The following COL24A1 variants were observed in gnomAD, a reference collection of about 807,000 sequenced individuals.
COL24A1 encodes the protein collagen alpha-1(XXIV) chain.
In COL24A1, 224 loss-of-function variants were observed where a neutral mutation model predicts 253.9. The ratio of observed to expected loss-of-function variants is 0.88; its 90% confidence interval spans 0.79 to 0.99. The LOEUF (loss-of-function observed/expected upper bound fraction) is 0.99, where lower values mean the gene tolerates loss of function less well. Among genes scored for constraint, COL24A1 ranks in the 50% least tolerant of loss-of-function variants. The pLI is 0.00. For synonymous variants in COL24A1, 685 were observed against 673.7 expected, an observed-to-expected ratio of 1.02 and a Z score of -0.26; for missense variants, 2,131 against 2,068.5, an observed-to-expected ratio of 1.03 and a Z score of -0.59.
chr1:85,989,550 C>T (rs652321), intron 19 of COL24A1, among the ~76,000 whole-genome samples: 142,735 of 152,190 alleles, frequency 0.94, 67,006 homozygotes, highest in East Asian at 1. Flanking sequence ...ATTTTCACTC[C>T]GTAGCCAGAC....
At chr1:86,066,469 C>T (rs537319145) in intron 7 of COL24A1, among the ~76,000 whole-genome samples, 1 of 151,942 alleles carries the variant, frequency 6.6e-6, no homozygotes, top group African/African-American at 2.4e-5. Context: ...CGGTCTCGAT[C>T]TCCTGACCTC....
chr1:85,949,248 A>T (rs2100561825), intron 24 of COL24A1, among the ~76,000 whole-genome samples: 1 of 152,350 alleles, frequency 6.6e-6, no homozygotes, highest in African/African-American at 2.4e-5. Flanking sequence ...GAATATAAAT[A>T]GGAAGGGAAA....
chr1:85,885,672 T>A (rs1296030535), intron 32 of COL24A1, among the ~76,000 whole-genome samples: 1 of 152,106 alleles, frequency 6.6e-6, no homozygotes, highest in Non-Finnish European at 1.5e-5. Flanking sequence ...AGGAAGGTAA[T>A]GGTTTTTAAA....
At chr1:86,148,245 A>G (rs1179780113) in intron 1 of COL24A1, among the ~76,000 whole-genome samples, 1 of 151,962 alleles carries the variant, frequency 6.6e-6, no homozygotes, top group East Asian at 1.9e-4. Context: ...AGTGCAGTGG[A>G]GCGATCTCAG....
chr1:85,886,825 T>C (rs950104963), intron 32 of COL24A1, among the ~76,000 whole-genome samples: 2 of 152,196 alleles, frequency 1.3e-5, no homozygotes, highest in African/African-American at 4.8e-5. Flanking sequence ...TATACATGGT[T>C]AAATTTTACT....
At chr1:85,861,155 T>A (rs1679105214) in intron 37 of COL24A1, among the ~76,000 whole-genome samples, 1 of 152,196 alleles carries the variant, frequency 6.6e-6, no homozygotes, top group African/African-American at 2.4e-5. Flanking sequence ...ATATCCTCAT[T>A]AACACTAACC....
intron 55 of COL24A1, among the ~76,000 whole-genome samples, chr1:85,757,032 G>A (rs987528981): frequency 1.3e-5 from 2 of 152,172 alleles, no homozygotes; most frequent in South Asian, 2.1e-4. Flanking sequence ...AAAGTAGAAC[G>A]GTGGTTGCAG....
Position 85,875,771 on chromosome 1 carries a change from C to T in COL24A1, c.3031-441G>A, listed in dbSNP as rs1167130347. ...CACACACACACACACACACACAGAG[C>T]TTCTTTTCCAGCCTTCTTTCATGGT... On this transcript the variant is annotated intron_variant, in intron 33 of 59. Coordinates refer to ENST00000370571, the MANE Select transcript of COL24A1 (RefSeq NM_152890.7). 5.3e-5 allele frequency among the ~76,000 whole-genome samples: 7 copies of T among 132,610 alleles called. No homozygotes were observed. The East Asian group carries it at 1.5e-3, about 28-fold the overall frequency. The allele number at this position is 132,610 out of a possible 152,430, so 87.0% of individuals were successfully genotyped here. A position where few individuals can be genotyped will look rare whatever the true frequency, so the allele number is the denominator to read the frequency against.
rs148563804 is a variant in COL24A1 at position 85,772,523 on chromosome 1, C to T, written c.4374+3151G>A. 3.0e-3 allele frequency among the ~76,000 whole-genome samples: 448 copies of T among 151,784 alleles called. 1 individual carries two copies. The highest frequency in any genetic ancestry group is 4.5e-3 in the Non-Finnish European group (305 of 67,974). ...ACATGCACACGTATGTTTATTGCGG[C>T]GTTATTCACAATAGCCTGACTTTTT... On this transcript the variant is annotated intron_variant, in intron 53 of 59. Coordinates refer to ENST00000370571, the MANE Select transcript of COL24A1 (RefSeq NM_152890.7).
chr1:85,762,118 A>C (rs1666904975), intron 53 of COL24A1, among the ~76,000 whole-genome samples: 1 of 152,214 alleles, frequency 6.6e-6, no homozygotes, highest in South Asian at 2.1e-4. Flanking sequence ...AGTTATGTTG[A>C]CATTTTTCAA....
chr1:85,868,703 C>T (rs1459559222), intron 36 of COL24A1, 77 bp from the exon 37 acceptor site: 57 of 1,459,060 alleles, frequency 3.9e-5, no homozygotes, highest in South Asian at 4.9e-5. Flanking sequence ...GTTTTTGTCA[C>T]ACAAAAACAA....
chr1:85,793,055 A>G (rs1670456694), intron 47 of COL24A1, among the ~76,000 whole-genome samples: 1 of 152,200 alleles, frequency 6.6e-6, no homozygotes, highest in Non-Finnish European at 1.5e-5. Context: ...TTTTGAATTT[A>G]GTACCAAAGC....
intron 24 of COL24A1, among the ~76,000 whole-genome samples, chr1:85,956,421 C>T (rs965133498): frequency 5.9e-5 from 9 of 152,160 alleles, no homozygotes; most frequent in African/African-American, 2.2e-4. Context: ...TTCTCTTCTT[C>T]CTCTCTGCTC....
intron 7 of COL24A1, among the ~76,000 whole-genome samples, chr1:86,074,171 T>C (rs978829926): frequency 6.6e-6 from 1 of 152,064 alleles, no homozygotes; most frequent in African/African-American, 2.4e-5. Context: ...GACTGGCAAA[T>C]TGGATAAAGA....
At chr1:86,132,176 T>C (rs1448237298) in intron 2 of COL24A1, among the ~76,000 whole-genome samples, 1 of 152,244 alleles carries the variant, frequency 6.6e-6, no homozygotes, top group Admixed American at 6.5e-5. Context: ...TTGAGAAGTG[T>C]CTGCTCATAT....
rs1233048072 is a variant in COL24A1, at chr1:85,764,417, CG to C, written c.4375-2852del. Among the ~76,000 whole-genome samples, 7 of 150,386 alleles carry C rather than the reference CG, an allele frequency of 4.7e-5. No homozygotes were observed. The Admixed American group carries it at 4.7e-4, about 10-fold the overall frequency. ...AACATAAACTCTTCAAGTTGTCATG[CG>C]GGTGACAGCTGGGCTACTCTTGATC... On this transcript the variant is annotated intron_variant, in intron 53 of 59. Transcript: ENST00000370571.
At chr1:85,773,833 T>C (rs1203481586) in intron 53 of COL24A1, among the ~76,000 whole-genome samples, 1 of 152,214 alleles carries the variant, frequency 6.6e-6, no homozygotes, top group Non-Finnish European at 1.5e-5. Flanking sequence ...CAATTTGACT[T>C]CCTCTCTTCC....
intron 19 of COL24A1, among the ~76,000 whole-genome samples, chr1:85,999,058 C>G (rs1358668290): frequency 2.6e-5 from 4 of 152,156 alleles, no homozygotes; most frequent in African/African-American, 7.2e-5. Context: ...AGATGGGATA[C>G]TGATAGAGAC....
intron 47 of COL24A1, among the ~76,000 whole-genome samples, chr1:85,790,151 G>T (rs1301808729): frequency 1.3e-5 from 2 of 152,102 alleles, no homozygotes. Flanking sequence ...GTATACCTCT[G>T]GTAGAATTCA....
Sources: gnomAD v4.1 joint callset for allele counts (sites outside exome capture counted in the v4.1 genomes callset) on GRCh38, gnomAD v4.1.1 for gene constraint, MANE v1.5 for transcripts, NCBI Gene and HGNC (gene_info 2026-07-23, HGNC 2026-07-21) for gene names.